The following RGS7 variants were observed in gnomAD, a reference collection of about 807,000 sequenced individuals.
RGS7 encodes regulator of G protein signaling 7.
A neutral mutation model predicts 81.1 loss-of-function variants in RGS7; 27 were observed. That is an observed-to-expected ratio of 0.33 (90% CI 0.25 to 0.46). The LOEUF is 0.46. Among genes scored for constraint, RGS7 ranks in the 20% least tolerant of loss-of-function variants. The pLI is 1.00. For synonymous variants in RGS7, 208 were observed against 207.7 expected, an observed-to-expected ratio of 1.00 and a Z score of -0.01; for missense variants, 396 against 607.4, an observed-to-expected ratio of 0.65 and a Z score of 3.66.
intron 2 of RGS7, among the ~76,000 whole-genome samples, chr1:241,306,144 A>ACACT (rs946325226): frequency 2.0e-5 from 3 of 151,290 alleles, no homozygotes; most frequent in African/African-American, 7.3e-5. Context: ...ACACACACAC[A>ACACT]CACACTCACA....
chr1:240,964,454 G>A (rs543141512), intron 4 of RGS7, among the ~76,000 whole-genome samples: 4 of 152,212 alleles, frequency 2.6e-5, no homozygotes, highest in Non-Finnish European at 5.9e-5. Context: ...CAACAAGATT[G>A]ATCCAGGATC....
chr1:241,047,186 C>T (rs1037243441), intron 3 of RGS7, among the ~76,000 whole-genome samples: 5 of 152,122 alleles, frequency 3.3e-5, no homozygotes, highest in Non-Finnish European at 5.9e-5. Context: ...CACGTATCTC[C>T]GTAGTTGCTC....
intron 3 of RGS7, among the ~76,000 whole-genome samples, chr1:241,037,060 C>G (rs1371328411): frequency 6.6e-6 from 1 of 152,112 alleles, no homozygotes; most frequent in African/African-American, 2.4e-5. Context: ...CATAATAAAT[C>G]ATTATGATTT....
chr1:241,173,792 TA>T (rs1265902130), intron 2 of RGS7, among the ~76,000 whole-genome samples: 1 of 152,072 alleles, frequency 6.6e-6, no homozygotes, highest in Non-Finnish European at 1.5e-5. Flanking sequence ...AAATAAAAAA[TA>T]AAAAGAAAAT....
intron 2 of RGS7, among the ~76,000 whole-genome samples, chr1:241,315,098 C>CTT (rs2080787063): frequency 1.5e-5 from 1 of 66,342 alleles, no homozygotes; most frequent in Non-Finnish European, 3.0e-5. Context: ...TTTTTTTTTT[C>CTT]TTCTTCTTCT....
intron 6 of RGS7, among the ~76,000 whole-genome samples, chr1:240,879,847 T>C (rs1382941534): frequency 1.3e-5 from 2 of 152,210 alleles, no homozygotes; most frequent in African/African-American, 4.8e-5. Flanking sequence ...AAAATAATTA[T>C]AGCATTCACA....
At chr1:241,156,423 A>C (rs1294974612) in intron 2 of RGS7, among the ~76,000 whole-genome samples, 1 of 151,940 alleles carries the variant, frequency 6.6e-6, no homozygotes, top group East Asian at 1.9e-4. Context: ...AGAGGATCAC[A>C]GGAGCCCAGG....
At chr1:241,327,267 T>C (rs1195558405) in intron 2 of RGS7, among the ~76,000 whole-genome samples, 4 of 152,148 alleles carry the variant, frequency 2.6e-5, no homozygotes, top group East Asian at 1.9e-4. Flanking sequence ...GCCATAGATA[T>C]CAACTTCTGA....
intron 4 of RGS7, among the ~76,000 whole-genome samples, chr1:240,941,798 C>T (rs911052433): frequency 1.3e-5 from 2 of 151,250 alleles, no homozygotes; most frequent in Admixed American, 6.6e-5. Context: ...TCCATAAGAC[C>T]GCTGACAATC....
At chr1:241,187,923 A>T (rs534152827) in intron 2 of RGS7, among the ~76,000 whole-genome samples, 30 of 152,286 alleles carry the variant, frequency 2.0e-4, no homozygotes, top group Admixed American at 1.1e-3. Flanking sequence ...TTATCTGAAA[A>T]TAAAAGTGGG....
intron 2 of RGS7, among the ~76,000 whole-genome samples, chr1:241,242,568 G>A (rs2148149174): frequency 6.6e-6 from 1 of 152,260 alleles, no homozygotes; most frequent in East Asian, 1.9e-4. Context: ...TTTCCATAGT[G>A]GTTGTACTGG....
intron 6 of RGS7, among the ~76,000 whole-genome samples, chr1:240,908,808 T>C (rs1236860031): frequency 2.0e-5 from 3 of 152,228 alleles, no homozygotes; most frequent in Non-Finnish European, 4.4e-5. Context: ...AGTTTGTTAA[T>C]GTGAACAAGC....
intron 3 of RGS7, among the ~76,000 whole-genome samples, chr1:241,086,121 C>T (rs1486931072): frequency 6.6e-6 from 1 of 152,186 alleles, no homozygotes; most frequent in Non-Finnish European, 1.5e-5. Context: ...CTCATGTATT[C>T]ATTGGTTTCA....
intron 2 of RGS7, among the ~76,000 whole-genome samples, chr1:241,286,908 T>C (rs914310421): frequency 6.6e-6 from 1 of 152,230 alleles, no homozygotes; most frequent in Admixed American, 6.5e-5. Context: ...GCCAAATCCC[T>C]GCAAAGACTC....
intron 3 of RGS7, among the ~76,000 whole-genome samples, chr1:241,089,021 ATC>A (rs1158514403): frequency 0.025 from 587 of 23,568 alleles, 18 homozygotes; most frequent in Non-Finnish European, 0.029. Context: ...GCAAGACTCC[ATC>A]TCTCTCTCTC....
intron 2 of RGS7, among the ~76,000 whole-genome samples, chr1:241,192,159 G>GGTGTGT (rs58714151): frequency 0.1 from 12,315 of 121,578 alleles, 797 homozygotes; most frequent in African/African-American, 0.14. Flanking sequence ...AGAGAAAACA[G>GGTGTGT]GTGTGTGTGT....
At chr1:241,285,159 C>G (rs185741731) in intron 2 of RGS7, among the ~76,000 whole-genome samples, 3 of 152,146 alleles carry the variant, frequency 2.0e-5, no homozygotes, top group Non-Finnish European at 4.4e-5. Context: ...TGTGAGCCAC[C>G]GCGCCCGGCC....
chr1:241,054,695 T>C (rs911763090), intron 3 of RGS7, among the ~76,000 whole-genome samples: 1 of 152,216 alleles, frequency 6.6e-6, no homozygotes. Flanking sequence ...CAATATTCAC[T>C]CAGGTGCTTG....
chr1:240,811,483 C>T (rs1689844043), intron 14 of RGS7, among the ~76,000 whole-genome samples: 1 of 152,208 alleles, frequency 6.6e-6, no homozygotes, highest in Admixed American at 6.5e-5. Flanking sequence ...AGTTTGGTTT[C>T]AAGTTATTTG....
Sources: allele counts gnomAD v4.1 joint callset (sites outside exome capture counted in the v4.1 genomes callset), GRCh38; gene constraint gnomAD v4.1.1; transcripts MANE v1.5; gene names NCBI Gene and HGNC (gene_info 2026-07-23, HGNC 2026-07-21).